VAV2: variants seen among roughly 807,000 people sequenced by gnomAD.
VAV2 encodes vav guanine nucleotide exchange factor 2, also known as guanine nucleotide exchange factor VAV2.
In VAV2, 67 loss-of-function variants were observed where a neutral mutation model predicts 132.5. The observed-to-expected ratio is 0.51, with a 90% CI of 0.42 to 0.62. The LOEUF (loss-of-function observed/expected upper bound fraction) is 0.62, where lower values mean the gene tolerates loss of function less well. Among genes scored for constraint, VAV2 ranks in the 20% least tolerant of loss-of-function variants. The pLI, the probability that VAV2 is intolerant of heterozygous loss-of-function variation, is 0.00. For missense variants in VAV2, 938 were observed against 1,153.6 expected (o/e 0.81, Z 2.71); for synonymous variants, 492 against 443.5 (o/e 1.11, Z -1.37).
At chr9:133,796,342 C>CTGCA in intron 11 of VAV2, 87 bp downstream of exon 11, 1 of 1,160,106 alleles carries the variant, frequency 8.6e-7, no homozygotes, top group Non-Finnish European at 1.2e-6. Context: ...TGTCTGTGGG[C>CTGCA]TGCAACCTAT....
chr9:133,820,324 TTTTTC>T (rs199992756), intron 4 of VAV2, among the ~76,000 whole-genome samples: 4,763 of 141,580 alleles, frequency 0.034, 154 homozygotes, highest in African/African-American at 0.11. Context: ...TTTCTTTTTC[TTTTTC>T]TTTTTTTTTT....
chr9:133,777,266 A>G, intron 23 of VAV2, 123 bp downstream of exon 23: 1 of 955,934 alleles, frequency 1.0e-6, no homozygotes, highest in South Asian at 1.5e-5. Context: ...AGCAGCTCAC[A>G]GCAGCCTAAA....
At chr9:133,803,253 A>G (rs1190224544) in intron 9 of VAV2, among the ~76,000 whole-genome samples, 1 of 152,072 alleles carries the variant, frequency 6.6e-6, no homozygotes, top group Non-Finnish European at 1.5e-5. Context: ...TCTGTTCTGC[A>G]TTCCTCCCAA....
At chr9:133,890,457 A>G (rs1156839599) in intron 2 of VAV2, among the ~76,000 whole-genome samples, 1 of 152,168 alleles carries the variant, frequency 6.6e-6, no homozygotes, top group Non-Finnish European at 1.5e-5. Context: ...GGGAGAGCAG[A>G]AATGGGAAAA....
At chr9:133,950,720 G>T (rs1175236537) in intron 1 of VAV2, among the ~76,000 whole-genome samples, 1 of 152,156 alleles carries the variant, frequency 6.6e-6, no homozygotes, top group Non-Finnish European at 1.5e-5. Context: ...CTGCGCCTCG[G>T]CCCTCCGGGT....
In VAV2 at chr9:133,834,579, G is replaced by A. The variant is rs1588242986; in HGVS notation, c.381-239C>T. Among the ~76,000 whole-genome samples the A allele has an allele frequency of 6.6e-6, 1 of 152,240 alleles. No individual in the cohort carries two copies. Among genetic ancestry groups the A allele is most frequent in the African/African-American group, 2.4e-5 (1 of 41,470 alleles). On this transcript the variant is annotated intron_variant, in intron 3 of 29. Transcript: ENST00000371850. The surrounding 1 kb of genome is among the most constrained non-coding windows in gnomAD (Gnocchi z 5.9). ...TGCCAGGGGGCAAGGAATGTGTCAC[G>A]CCCACTCCGGGCTCCGGGTGTCCAG...
intron 2 of VAV2, among the ~76,000 whole-genome samples, chr9:133,908,432 C>G (rs891869341): frequency 6.6e-6 from 1 of 152,090 alleles, no homozygotes; most frequent in African/African-American, 2.4e-5. Flanking sequence ...AACCTCACAC[C>G]CTCTTCCCCT....
At chr9:133,825,034 AT>A (rs1835930391) in intron 4 of VAV2, among the ~76,000 whole-genome samples, 1 of 152,200 alleles carries the variant, frequency 6.6e-6, no homozygotes, top group Admixed American at 6.5e-5. Context: ...CCTTGGCAGC[AT>A]TTGAGGGAGC....
At chr9:133,893,924 A>C (rs2810545) in intron 2 of VAV2, among the ~76,000 whole-genome samples, 142,738 of 152,214 alleles carry the variant, frequency 0.94, 67,575 homozygotes, top group East Asian at 1. Context: ...ATCCTCACAG[A>C]CCTCTGGAAA....
intron 20 of VAV2, 128 bp from the exon 21 acceptor site, chr9:133,780,067 G>A: frequency 7.8e-7 from 1 of 1,279,408 alleles, no homozygotes; most frequent in Non-Finnish European, 1.1e-6. Flanking sequence ...CAGGAGCAGG[G>A]GAGGAGAGGG....
At position 133,859,376 on chromosome 9, in the gene VAV2, C is replaced by T. The variant is rs538914466; in HGVS notation, c.380+1998G>A. Reference sequence around the variant, plus strand: ...CAGGACTGTGATCAAGGACTGTCTGCGGCAGGAGAGGGGATAGGGCTGTGG... The same window carrying T: ...CAGGACTGTGATCAAGGACTGTCTGTGGCAGGAGAGGGGATAGGGCTGTGG... On this transcript the variant is annotated intron_variant, in intron 3 of 29. Coordinates refer to ENST00000371850, the MANE Select transcript of VAV2 (RefSeq NM_001134398.2). 9.9e-5 allele frequency among the ~76,000 whole-genome samples: 15 copies of T among 152,266 alleles called. No individual in the cohort carries two copies. In the East Asian group the frequency reaches 1.4e-3, roughly 14 times the overall value.
rs547889379 is a variant in VAV2, at chr9:133,889,955, G to A, written c.322-28523C>T. Among the ~76,000 whole-genome samples, 7 of 152,330 alleles carry A rather than the reference G, an allele frequency of 4.6e-5. No individual in the cohort carries two copies. The South Asian group carries it at 1.0e-3, about 23-fold the overall frequency. ...CATGACCCCGCAGGGCCACTCCTGG[G>A]ATGACTCCACGAATTACTGTCTCTG... On this transcript the variant is annotated intron_variant, in intron 2 of 29. Transcript: ENST00000371850.
chr9:133,807,246 C>T lies in VAV2; in HGVS notation c.735+12G>A, dbSNP rs1018207409. 12 of 1,608,232 alleles carry T rather than the reference C, an allele frequency of 7.5e-6. No individual in the cohort carries two copies. Among genetic ancestry groups the T allele is most frequent in the Admixed American group, 1.7e-5 (1 of 59,548 alleles). ...CGAGCCTGGCATGAGCGATGGGGGC[C>T]GGGACCCTTACCTCCAGGTTAATGA... On this transcript the variant is annotated intron_variant, in intron 8 of 29. Coordinates refer to ENST00000371850, the MANE Select transcript of VAV2 (RefSeq NM_001134398.2).
At chr9:133,899,798 G>A (rs1286553385) in intron 2 of VAV2, among the ~76,000 whole-genome samples, 7 of 150,086 alleles carry the variant, frequency 4.7e-5, no homozygotes, top group Non-Finnish European at 8.9e-5. Flanking sequence ...GAGGCGGGTG[G>A]ATCACGAGGT....
chr9:133,915,935 G>A (rs1360903801), intron 2 of VAV2, among the ~76,000 whole-genome samples: 2 of 150,528 alleles, frequency 1.3e-5, no homozygotes, highest in African/African-American at 4.9e-5. Flanking sequence ...ACATGCACAC[G>A]ATGTACATGT....
intron 4 of VAV2, among the ~76,000 whole-genome samples, chr9:133,825,973 G>C (rs1204185842): frequency 6.6e-6 from 1 of 152,222 alleles, no homozygotes; most frequent in Non-Finnish European, 1.5e-5. Flanking sequence ...GTCATTTTAT[G>C]ATGCAATAAA....
intron 2 of VAV2, among the ~76,000 whole-genome samples, chr9:133,915,586 G>GCA (rs56850601): frequency 2.6e-5 from 4 of 151,752 alleles, no homozygotes; most frequent in Admixed American, 6.6e-5. Context: ...AAGACAAGGC[G>GCA]CACACACACA....
intron 17 of VAV2, among the ~76,000 whole-genome samples, chr9:133,784,873 CTGGGG>C (rs535573849): frequency 6.6e-6 from 1 of 152,104 alleles, no homozygotes; most frequent in African/African-American, 2.4e-5. Flanking sequence ...TGTTGGATGG[CTGGGG>C]TGGGGTGGGG....
At position 133,991,721 on chromosome 9, in the gene VAV2, T is replaced by C. The variant is rs956191196; in HGVS notation, c.204+354A>G. ...GCGACCCACGACGCGCACACCCGGC[T>C]CGGCAGGCTCCCTGGGAAATGAGGG... On this transcript the variant is annotated intron_variant, in intron 1 of 29. Coordinates refer to ENST00000371850, the MANE Select transcript of VAV2 (RefSeq NM_001134398.2). This position sits in a 1 kb window ranked among gnomAD's most constrained non-coding sequence, Gnocchi z 4.8. Among the ~76,000 whole-genome samples the C allele has an allele frequency of 1.3e-5, 2 of 151,268 alleles. No individual in the cohort carries two copies. Among genetic ancestry groups the C allele is most frequent in the Admixed American group, 6.6e-5 (1 of 15,190 alleles).
Sources: allele counts gnomAD v4.1 joint callset (sites outside exome capture counted in the v4.1 genomes callset), GRCh38; gene constraint gnomAD v4.1.1; non-coding constraint Gnocchi (gnomAD v3.1); transcripts MANE v1.5; gene names NCBI Gene and HGNC (gene_info 2026-07-23, HGNC 2026-07-21).